The following RNF144B variants were observed in gnomAD, a reference collection of about 807,000 sequenced individuals.
RNF144B encodes the protein E3 ubiquitin-protein ligase RNF144B.
Under a neutral mutation model 40.2 loss-of-function variants are expected in RNF144B, and 25 were observed. The observed-to-expected ratio is 0.62, with a 90% CI of 0.45 to 0.87. The LOEUF (loss-of-function observed/expected upper bound fraction) is 0.87. Among genes scored for constraint, RNF144B ranks in the 40% least tolerant of loss-of-function variants. RNF144B has a pLI of 0.00. For missense variants in RNF144B, 365 were observed against 373.7 expected (o/e 0.98, Z 0.19); for synonymous variants, 145 against 136.3 (o/e 1.06, Z -0.44).
In RNF144B at chr6:18,441,113, A is replaced by G. The variant is rs1758954145; in HGVS notation, c.331+1369A>G. Among the ~76,000 whole-genome samples, 1 of 152,182 alleles carries G rather than the reference A, an allele frequency of 6.6e-6. No homozygotes were observed. Among genetic ancestry groups the G allele is most frequent in the Non-Finnish European group, 1.5e-5 (1 of 68,032 alleles). ...AGTTAATATTGACTCTCTCTAATCCATCCACATGGGCCGATTAGATTGAGC... is the reference window on the plus strand; with the variant it reads ...AGTTAATATTGACTCTCTCTAATCCGTCCACATGGGCCGATTAGATTGAGC... On this transcript the variant is annotated intron_variant, in intron 4 of 7. Coordinates refer to ENST00000259939, the MANE Select transcript of RNF144B (RefSeq NM_182757.4). The surrounding 1 kb of genome is among the most constrained non-coding windows in gnomAD (Gnocchi z 4.9).
At position 18,418,371 on chromosome 6, in the gene RNF144B, A is replaced by G. The variant is rs140655522; in HGVS notation, c.166-9210A>G. 7.9e-4 allele frequency among the ~76,000 whole-genome samples: 120 copies of G among 152,342 alleles called. No homozygotes were observed. Among genetic ancestry groups the G allele is most frequent in the African/African-American group, 2.8e-3 (117 of 41,592 alleles). Reference sequence around the variant, plus strand: ...AAACAAAATGTGGTATATTCACACAATGGCATACTATTCAGCAATAAAATA... The same window carrying G: ...AAACAAAATGTGGTATATTCACACAGTGGCATACTATTCAGCAATAAAATA... On this transcript the variant is annotated intron_variant, in intron 2 of 7. Coordinates refer to ENST00000259939, the MANE Select transcript of RNF144B (RefSeq NM_182757.4). The surrounding 1 kb of genome is among the most constrained non-coding windows in gnomAD (Gnocchi z 5.2).
chr6:18,408,011 A>G (rs1170580935), intron 2 of RNF144B, among the ~76,000 whole-genome samples: 1 of 140,894 alleles, frequency 7.1e-6, no homozygotes. Flanking sequence ...TCCAGACAGA[A>G]TCTCATTTTG....
intron 4 of RNF144B, among the ~76,000 whole-genome samples, chr6:18,451,477 A>G (rs1759209165): frequency 6.6e-6 from 1 of 152,220 alleles, no homozygotes; most frequent in Non-Finnish European, 1.5e-5. Flanking sequence ...GATACCATCC[A>G]TGGATGGGAG....
chr6:18,408,145 C>T (rs150173762), intron 2 of RNF144B, among the ~76,000 whole-genome samples: 13,453 of 151,782 alleles, frequency 0.089, 700 homozygotes, highest in Non-Finnish European at 0.11. Context: ...TCACCATGCC[C>T]GGCTAATTTT....
chr6:18,468,494 T>TCA lies in RNF144B; in HGVS notation c.*3427_*3428insCA, dbSNP rs1468038885. The TCA allele has an allele frequency of 6.6e-6, 1 of 152,216 alleles. No homozygotes were observed. Among genetic ancestry groups the TCA allele is most frequent in the Non-Finnish European group, 1.5e-5 (1 of 68,034 alleles). The allele number at this position is 152,216 out of a possible 1,614,324, so 9.4% of individuals were successfully genotyped here. On this transcript the variant is annotated 3_prime_UTR_variant, in exon 8 of 8. Coordinates refer to ENST00000259939, the MANE Select transcript of RNF144B (RefSeq NM_182757.4). ...CCAGGTTTGCAAATGTACATGTTCA[T>TCA]TTGAATGTAAATCACCATTTCTTGG... is the stretch of plus-strand genomic sequence containing the variant.
chr6:18,409,791 A>G (rs1352683988), intron 2 of RNF144B, among the ~76,000 whole-genome samples: 1 of 151,984 alleles, frequency 6.6e-6, no homozygotes, highest in Non-Finnish European at 1.5e-5. Context: ...GCTGGTCTCG[A>G]TGTCCTGACC....
intron 1 of RNF144B, among the ~76,000 whole-genome samples, chr6:18,388,371 T>C (rs1326893822): frequency 6.6e-6 from 1 of 152,200 alleles, no homozygotes; most frequent in African/African-American, 2.4e-5. Context: ...TTGAGAGGTA[T>C]AAATTAAATG....
At chr6:18,399,127 T>C (rs1211619445) in intron 1 of RNF144B, among the ~76,000 whole-genome samples, 1 of 152,200 alleles carries the variant, frequency 6.6e-6, no homozygotes, top group Non-Finnish European at 1.5e-5. Flanking sequence ...TTTTCAAGTA[T>C]ACAGTGTATT....
intron 3 of RNF144B, among the ~76,000 whole-genome samples, chr6:18,436,220 A>G (rs1332082659): frequency 1.3e-5 from 2 of 152,198 alleles, no homozygotes; most frequent in African/African-American, 4.8e-5. Context: ...AACACTGTAC[A>G]AATAACTGGC....
intron 3 of RNF144B, among the ~76,000 whole-genome samples, chr6:18,437,449 A>G (rs375976148): frequency 2.8e-4 from 43 of 152,288 alleles, no homozygotes; most frequent in African/African-American, 1.0e-3. Flanking sequence ...TTAAAAAAAC[A>G]GTAATACAAA....
At chr6:18,461,388 A>G (rs1227843466) in intron 6 of RNF144B, among the ~76,000 whole-genome samples, 2 of 152,244 alleles carry the variant, frequency 1.3e-5, no homozygotes, top group Admixed American at 6.5e-5. Context: ...TTACACATGC[A>G]TTACAAATGA....
chr6:18,409,164 G>T (rs1359630348), intron 2 of RNF144B, among the ~76,000 whole-genome samples: 1 of 151,732 alleles, frequency 6.6e-6, no homozygotes. Flanking sequence ...GATCACTTGG[G>T]GCCAGGAATT....
chr6:18,389,612 G>A (rs1794542281), intron 1 of RNF144B, among the ~76,000 whole-genome samples: 1 of 152,160 alleles, frequency 6.6e-6, no homozygotes, highest in South Asian at 2.1e-4. Context: ...CTTGGAGAGT[G>A]AAGTTTTTAG....
rs751026471 is a variant in RNF144B, at chr6:18,456,116, G to T, written c.332-1039G>T. On this transcript the variant is annotated intron_variant, in intron 4 of 7. Coordinates refer to ENST00000259939, the MANE Select transcript of RNF144B (RefSeq NM_182757.4). This position sits in a 1 kb window ranked among gnomAD's most constrained non-coding sequence, Gnocchi z 4.7. ...TTTTTGTATTTTTAGTAGAGATGGT[G>T]TTTCACCCTGTTAGCCAGGATGGTC... Among the ~76,000 whole-genome samples the T allele has an allele frequency of 6.6e-6, 1 of 152,094 alleles. No individual in the cohort carries two copies. The highest frequency in any genetic ancestry group is 2.4e-5 in the African/African-American group (1 of 41,412).
intron 6 of RNF144B, among the ~76,000 whole-genome samples, chr6:18,461,451 T>A (rs1423935288): frequency 6.6e-6 from 1 of 152,206 alleles, no homozygotes; most frequent in Middle Eastern, 3.2e-3. Flanking sequence ...TTAATTGGGT[T>A]CATATCCACA....
intron 1 of RNF144B, among the ~76,000 whole-genome samples, chr6:18,388,216 T>C (rs1434451563): frequency 6.6e-6 from 1 of 152,204 alleles, no homozygotes; most frequent in African/African-American, 2.4e-5. Flanking sequence ...CTCTGGGAAA[T>C]GTTCTTTTTT....
intron 1 of RNF144B, among the ~76,000 whole-genome samples, chr6:18,392,407 A>G (rs1303622446): frequency 2.0e-5 from 3 of 152,220 alleles, no homozygotes; most frequent in Non-Finnish European, 2.9e-5. Context: ...ATTGTTTGGA[A>G]AACAGTTCTT....
At position 18,457,543 on chromosome 6, in the gene RNF144B, C is replaced by A. The variant is rs3734244; in HGVS notation, c.536+184C>A. The stretch of plus-strand genomic sequence containing the variant: ...ACAAAAAAGCATTTCTAGTTGTTTG[C>A]CCCAGAGGAATCTTCCAGATATTGC... On this transcript the variant is annotated intron_variant, in intron 5 of 7. Coordinates refer to ENST00000259939, the MANE Select transcript of RNF144B (RefSeq NM_182757.4). The surrounding 1 kb of genome is among the most constrained non-coding windows in gnomAD (Gnocchi z 5.1). Among the ~76,000 whole-genome samples the A allele has an allele frequency of 0.13, 19,022 of 152,074 alleles. 1,367 individuals are homozygous for A. Among genetic ancestry groups the A allele is most frequent in the Admixed American group, 0.19 (2,964 of 15,280 alleles).
In RNF144B at chr6:18,459,707, A is replaced by C; in HGVS notation, c.637A>C (p.Asn213His). ...AGGCTGCGCTCAGATGATGTGCAAA[A>C]ACTGCAAGCATACATTTTGCTGGTA... is the stretch of plus-strand genomic sequence containing the variant. Reference protein sequence around the residue: ...NEGCAQMMCKNCKHTFCWYCL... With the variant: ...NEGCAQMMCKHCKHTFCWYCL... The change falls in exon 6 of 8, where the codon AAC becomes CAC. Residue 213 changes from asparagine to histidine, a missense_variant. Coordinates refer to ENST00000259939, the MANE Select transcript of RNF144B (RefSeq NM_182757.4). This position sits in a 1 kb window ranked among gnomAD's most constrained non-coding sequence, Gnocchi z 4.2. The C allele has an allele frequency of 6.2e-7, 1 of 1,614,156 alleles. No individual in the cohort carries two copies. The highest frequency in any genetic ancestry group is 8.5e-7 in the Non-Finnish European group (1 of 1,179,990).
Sources: gnomAD v4.1 joint callset for allele counts (sites outside exome capture counted in the v4.1 genomes callset) on GRCh38, gnomAD v4.1.1 for gene constraint, Gnocchi (gnomAD v3.1) non-coding constraint, MANE v1.5 for transcripts, NCBI Gene and HGNC (gene_info 2026-07-23, HGNC 2026-07-21) for gene names.